IGF2BP2: variants seen among roughly 807,000 people sequenced by gnomAD.
IGF2BP2 encodes insulin-like growth factor 2 mRNA-binding protein 2.
Under a neutral mutation model 75.8 loss-of-function variants are expected in IGF2BP2, and 17 were observed. The observed-to-expected ratio is 0.22, with a 90% CI of 0.15 to 0.34. IGF2BP2 has a LOEUF of 0.34. IGF2BP2 is among the 10% of genes least tolerant of loss of function. The pLI is 1.00. For missense variants in IGF2BP2, 516 were observed against 772.4 expected, an observed-to-expected ratio of 0.67 and a Z score of 3.93; for synonymous variants, 288 against 295.6, an observed-to-expected ratio of 0.97 and a Z score of 0.26.
chr3:185,780,035 G>A (rs971003630), intron 2 of IGF2BP2, among the ~76,000 whole-genome samples: 2 of 152,202 alleles, frequency 1.3e-5, no homozygotes, highest in African/African-American at 4.8e-5. Flanking sequence ...ACAGTAAACG[G>A]AGGCTAAAGT....
chr3:185,757,437 C>T, intron 2 of IGF2BP2, among the ~76,000 whole-genome samples: 1 of 150,024 alleles, frequency 6.7e-6, no homozygotes, highest in Admixed American at 6.6e-5. Flanking sequence ...AAGTATAGCC[C>T]TTGGAGAGAC....
intron 2 of IGF2BP2, chr3:185,713,340 T>G (rs924459487): frequency 8.0e-6 from 4 of 500,546 alleles, no homozygotes; most frequent in African/African-American, 7.8e-5. Context: ...ATTTTCACAT[T>G]TTTAAAATAA....
In IGF2BP2 at chr3:185,696,537, T is replaced by G. The variant is rs551341184; in HGVS notation, c.340+75A>C. 29 of 1,232,074 alleles carry G rather than the reference T, an allele frequency of 2.4e-5. No homozygotes were observed. The East Asian group carries it at 6.7e-4, about 29-fold the overall frequency. 76.3% of individuals were successfully genotyped at this position (1,232,074 alleles called of 1,614,324 possible). The stretch of plus-strand genomic sequence containing the variant: ...GAAATATGAACTTACTATTTCTCCC[T>G]GGAGTTGACCTAACCTATAAGAAAT... On this transcript the variant is annotated intron_variant, in intron 4 of 15. Coordinates refer to ENST00000382199, the MANE Select transcript of IGF2BP2 (RefSeq NM_006548.6).
chr3:185,823,133 A>AC lies in IGF2BP2; in HGVS notation c.239+19dup. On this transcript the variant is annotated intron_variant, in intron 2 of 15. Coordinates refer to ENST00000382199, the MANE Select transcript of IGF2BP2 (RefSeq NM_006548.6). ...ACGTAAGGCCAATCGCAAAAAAAAA[A>AC]CTAAGCAAAGTATATTTACCTTAGC... 1 of 1,563,784 alleles carries AC rather than the reference A, an allele frequency of 6.4e-7. No homozygotes were observed. The highest frequency in any genetic ancestry group is 1.4e-5 in the African/African-American group (1 of 72,302).
chr3:185,788,867 A>G (rs1736249207), intron 2 of IGF2BP2, among the ~76,000 whole-genome samples: 2 of 151,960 alleles, frequency 1.3e-5, no homozygotes, highest in Non-Finnish European at 2.9e-5. Flanking sequence ...CACTGCCACC[A>G]CACCCAGCTA....
At chr3:185,767,244 C>G (rs554518783) in intron 2 of IGF2BP2, among the ~76,000 whole-genome samples, 1 of 152,290 alleles carries the variant, frequency 6.6e-6, no homozygotes, top group African/African-American at 2.4e-5. Context: ...TATCTATATA[C>G]CTCAATGCAT....
At chr3:185,743,842 C>T (rs1024684896) in intron 2 of IGF2BP2, among the ~76,000 whole-genome samples, 5 of 152,176 alleles carry the variant, frequency 3.3e-5, no homozygotes, top group Non-Finnish European at 7.3e-5. Flanking sequence ...CAACCTCCTT[C>T]CACCACACGC....
At chr3:185,711,198 T>C (rs1323767758) in intron 2 of IGF2BP2, among the ~76,000 whole-genome samples, 1 of 152,220 alleles carries the variant, frequency 6.6e-6, no homozygotes, top group East Asian at 1.9e-4. Context: ...GCAAATTTGA[T>C]TTATAACCAA....
At chr3:185,652,219 C>T in intron 12 of IGF2BP2, 51 bp from the exon 13 acceptor site, 2 of 1,498,878 alleles carry the variant, frequency 1.3e-6, no homozygotes, top group South Asian at 1.2e-5. Flanking sequence ...ATTCCCCAGC[C>T]CCTCTTTCTT....
At chr3:185,665,413 G>GAGGAGA (rs1239000319) in intron 10 of IGF2BP2, among the ~76,000 whole-genome samples, 5 of 126,300 alleles carry the variant, frequency 4.0e-5, no homozygotes, top group East Asian at 2.5e-4. Flanking sequence ...GAAGGAAAAG[G>GAGGAGA]AGGAGAAGGA....
intron 2 of IGF2BP2, among the ~76,000 whole-genome samples, chr3:185,755,942 T>C (rs921159424): frequency 6.6e-6 from 1 of 152,150 alleles, no homozygotes. Context: ...GAAGGGATGA[T>C]TGTATTTTGC....
chr3:185,697,782 C>T (rs569323122), intron 3 of IGF2BP2, among the ~76,000 whole-genome samples: 32 of 152,074 alleles, frequency 2.1e-4, no homozygotes, highest in Admixed American at 1.6e-3. Flanking sequence ...CCTAAGAGTT[C>T]GAGGCCAGCC....
In IGF2BP2 at chr3:185,719,441, T is replaced by C. The variant is rs566572078; in HGVS notation, c.240-21094A>G. 3.3e-5 allele frequency among the ~76,000 whole-genome samples: 5 copies of C among 152,344 alleles called. No individual in the cohort carries two copies. The East Asian group carries it at 9.7e-4, about 29-fold the overall frequency. Reference sequence around the variant, plus strand: ...ACCCCTACGCAGAGCTCTTCCTTCATGTGCTTCATCTTATTTGCATGAACA... The same window carrying C: ...ACCCCTACGCAGAGCTCTTCCTTCACGTGCTTCATCTTATTTGCATGAACA... On this transcript the variant is annotated intron_variant, in intron 2 of 15. Transcript: ENST00000382199.
chr3:185,795,885 CA>C (rs562484561), intron 2 of IGF2BP2, among the ~76,000 whole-genome samples: 2 of 150,006 alleles, frequency 1.3e-5, no homozygotes, highest in African/African-American at 4.9e-5. Context: ...GACTCTGTCT[CA>C]AAAAAAAGAA....
At chr3:185,809,672 T>C (rs1739539635) in intron 2 of IGF2BP2, among the ~76,000 whole-genome samples, 1 of 152,002 alleles carries the variant, frequency 6.6e-6, no homozygotes, top group Non-Finnish European at 1.5e-5. Context: ...AATTTTTTAA[T>C]AAAGTAAAAA....
chr3:185,721,366 T>C (rs1317260250), intron 2 of IGF2BP2, among the ~76,000 whole-genome samples: 1 of 152,020 alleles, frequency 6.6e-6, no homozygotes, highest in African/African-American at 2.4e-5. Context: ...AATGCCCAGC[T>C]AATTTTTGTA....
intron 2 of IGF2BP2, chr3:185,724,718 TC>T (rs888709263): frequency 6.6e-6 from 1 of 152,188 alleles, no homozygotes; most frequent in African/African-American, 2.4e-5. Flanking sequence ...TTTAAAGGAA[TC>T]CCCATATCAC....
At chr3:185,711,484 G>C (rs1390915973) in intron 2 of IGF2BP2, among the ~76,000 whole-genome samples, 1 of 152,172 alleles carries the variant, frequency 6.6e-6, no homozygotes, top group African/African-American at 2.4e-5. Context: ...CAAAGACAAT[G>C]AACAGCATCT....
chr3:185,800,668 C>T (rs906371991), intron 2 of IGF2BP2, among the ~76,000 whole-genome samples: 3 of 146,008 alleles, frequency 2.1e-5, no homozygotes, highest in African/African-American at 5.2e-5. Context: ...ACCCAGGAGG[C>T]GGAGGTTGCA....
Sources: allele counts gnomAD v4.1 joint callset (sites outside exome capture counted in the v4.1 genomes callset), GRCh38; gene constraint gnomAD v4.1.1; transcripts MANE v1.5; gene names NCBI Gene and HGNC (gene_info 2026-07-23, HGNC 2026-07-21).